WDR26: variants seen among roughly 807,000 people sequenced by gnomAD.
The protein encoded by WDR26 is WD repeat-containing protein 26.
WDR26 carries 5 observed loss-of-function variants against 84.1 expected under a neutral mutation model. That is an observed-to-expected ratio of 0.06 (90% confidence interval 0.03 to 0.13). The LOEUF is 0.13. WDR26 is among the 10% of genes least tolerant of loss of function. The probability of loss-of-function intolerance (pLI) is 1.00; values close to 1 mark genes in which losing one functional copy is unlikely to be tolerated. For synonymous variants in WDR26, 415 were observed against 389.6 expected, an observed-to-expected ratio of 1.07 and a Z score of -0.77; for missense variants, 642 against 974.9, an observed-to-expected ratio of 0.66 and a Z score of 4.55.
intron 7 of WDR26, among the ~76,000 whole-genome samples, chr1:224,407,149 AAAATATAT>A (rs1278800282): frequency 1.1e-4 from 2 of 17,850 alleles, no homozygotes; most frequent in African/African-American, 4.5e-4. Context: ...AAAAAAAAAA[AAAATATAT>A]ATATATATAT....
intron 7 of WDR26, among the ~76,000 whole-genome samples, chr1:224,405,437 T>A (rs530873928): frequency 6.6e-6 from 1 of 152,322 alleles, no homozygotes; most frequent in East Asian, 1.9e-4. Flanking sequence ...GGTATATACA[T>A]AGGAGTGGAA....
chr1:224,432,804 C>T (rs555395624), intron 1 of WDR26, among the ~76,000 whole-genome samples: 2 of 152,204 alleles, frequency 1.3e-5, no homozygotes, highest in Non-Finnish European at 2.9e-5. Context: ...GACTCCGTCT[C>T]TTGCACCTCC....
chr1:224,391,373 A>C (rs1376010318), intron 13 of WDR26, among the ~76,000 whole-genome samples: 1 of 114,456 alleles, frequency 8.7e-6, no homozygotes, highest in African/African-American at 4.2e-5. Flanking sequence ...CAAAAAAAAA[A>C]AAAAAAAAAA....
In WDR26 at chr1:224,391,227, G is replaced by A. The variant is rs1264843891; in HGVS notation, c.2261-1367C>T. On this transcript the variant is annotated intron_variant, in intron 13 of 13. Coordinates refer to ENST00000414423, the MANE Select transcript of WDR26 (RefSeq NM_001379403.1). ...ACTAAAAATACAAAATTAGCCGGGC[G>A]TGGTGATGCATGCCTGTAATCCCAG... Among the ~76,000 whole-genome samples, 5 of 151,708 alleles carry A rather than the reference G, an allele frequency of 3.3e-5. No individual in the cohort carries two copies. In the South Asian group the frequency reaches 6.3e-4, roughly 19 times the overall value.
rs764827586 is a variant in WDR26, at chr1:224,398,603, G to A, written c.1866-10C>T. ...ATGATCTTCTTGTACTCTGGAACCAGAAAATAATTTGTCAAAAACAACATA... is the reference window on the plus strand; with the variant it reads ...ATGATCTTCTTGTACTCTGGAACCAAAAAATAATTTGTCAAAAACAACATA... On this transcript the variant is annotated splice_polypyrimidine_tract_variant and intron_variant, in intron 10 of 13. Transcript: ENST00000414423. The A allele has an allele frequency of 1.1e-5, 17 of 1,585,606 alleles. No individual in the cohort carries two copies. The highest frequency in any genetic ancestry group is 1.7e-6 in the Non-Finnish European group (2 of 1,168,392).
At position 224,434,594 on chromosome 1, in the gene WDR26, C is replaced by A; in HGVS notation, c.-189G>T. 1 of 501,694 alleles carries A rather than the reference C, an allele frequency of 2.0e-6. No individual in the cohort carries two copies. Among genetic ancestry groups the A allele is most frequent in the Non-Finnish European group, 2.5e-6 (1 of 392,436 alleles). The allele number at this position is 501,694 out of a possible 1,614,324, so 31.1% of individuals were successfully genotyped here. ...TTTCCCCCCCCCCTCCCGGAGGCAG[C>A]TCGGGGTGCGCGGCCCGGGGGTCGC... On this transcript the variant is annotated 5_prime_UTR_variant, in exon 1 of 14. Transcript: ENST00000414423.
At chr1:224,395,040 A>C (rs1263636728) in intron 12 of WDR26, among the ~76,000 whole-genome samples, 1 of 152,186 alleles carries the variant, frequency 6.6e-6, no homozygotes, top group Non-Finnish European at 1.5e-5. Flanking sequence ...ATCTTCAAAA[A>C]ACTAGCCACA....
Position 224,389,605 on chromosome 1 carries a change from G to C in WDR26, c.*230C>G. The stretch of plus-strand genomic sequence containing the variant: ...GCACAGTTCTTCACAACCGATGGGG[G>C]AATAATTCAACATGGTGTCCAACAA... On this transcript the variant is annotated 3_prime_UTR_variant, in exon 14 of 14. Coordinates refer to ENST00000414423, the MANE Select transcript of WDR26 (RefSeq NM_001379403.1). 3.4e-6 allele frequency: 2 copies of C among 593,704 alleles called. No individual in the cohort carries two copies. Among genetic ancestry groups the C allele is most frequent in the Non-Finnish European group, 5.9e-6 (2 of 340,608 alleles). 36.8% of individuals were successfully genotyped at this position (593,704 alleles called of 1,614,324 possible).
At position 224,418,369 on chromosome 1, in the gene WDR26, G is replaced by T; in HGVS notation, c.1210C>A (p.Leu404Ile). 1 of 1,613,690 alleles carries T rather than the reference G, an allele frequency of 6.2e-7. No individual in the cohort carries two copies. The highest frequency in any genetic ancestry group is 8.5e-7 in the Non-Finnish European group (1 of 1,179,762). Residue 404 changes from leucine (L) to isoleucine (I), a missense_variant, in exon 6 of 14, where the codon CTC becomes ATC. Leu to Ile is a conservative substitution (Grantham distance 5). Transcript: ENST00000414423. ...TGTAGTTCCACCGCCTGCCGCAGGA[G>T]AGTCTGTAAACGCCGTGGGGGAAGC...
intron 6 of WDR26, 91 bp from the exon 7 acceptor site, chr1:224,411,656 A>G: frequency 1.5e-6 from 2 of 1,355,198 alleles, no homozygotes; most frequent in Non-Finnish European, 2.0e-6. Context: ...ACTTCTTTGA[A>G]GATCACATCA....
chr1:224,421,629 C>T (rs749198026), intron 4 of WDR26, among the ~76,000 whole-genome samples: 3 of 152,206 alleles, frequency 2.0e-5, no homozygotes, highest in Non-Finnish European at 4.4e-5. Context: ...TGTCAGCTAC[C>T]ATATCAAAAC....
intron 11 of WDR26, 68 bp from the exon 12 acceptor site, chr1:224,398,294 A>G (rs765920862): frequency 1.3e-6 from 2 of 1,556,124 alleles, no homozygotes; most frequent in Non-Finnish European, 1.7e-6. Context: ...AAGTATCTGT[A>G]AATATCCCTT....
intron 7 of WDR26, among the ~76,000 whole-genome samples, chr1:224,410,378 C>T (rs964117483): frequency 4.0e-5 from 6 of 151,760 alleles, no homozygotes; most frequent in East Asian, 1.9e-4. Flanking sequence ...TTAACCTATC[C>T]GGAGTCATGT....
chr1:224,419,387 CT>C, intron 5 of WDR26, 130 bp downstream of exon 5: 2 of 714,442 alleles, frequency 2.8e-6, no homozygotes, highest in Non-Finnish European at 4.7e-6. Context: ...GTCTGAAAAA[CT>C]GGATTCTCCC....
At chr1:224,429,782 T>C (rs1054512932) in intron 3 of WDR26, 1 of 152,230 alleles carries the variant, frequency 6.6e-6, no homozygotes, top group African/African-American at 2.4e-5. Context: ...ACTACCTTTC[T>C]TCAGTTTACA....
chr1:224,419,951 T>G (rs985346017), intron 4 of WDR26, among the ~76,000 whole-genome samples: 3 of 152,220 alleles, frequency 2.0e-5, no homozygotes, highest in African/African-American at 7.2e-5. Flanking sequence ...TATTATTCTA[T>G]TTTTATAAAT....
At position 224,434,160 on chromosome 1, in the gene WDR26, G is replaced by A. The variant is rs1674522916; in HGVS notation, c.246C>T (p.Ala82=). 2.1e-6 allele frequency: 3 copies of A among 1,422,060 alleles called. No individual in the cohort carries two copies. Among genetic ancestry groups the A allele is most frequent in the Admixed American group, 2.9e-5 (1 of 34,414 alleles). 88.1% of individuals were successfully genotyped at this position (1,422,060 alleles called of 1,614,324 possible). A position where few individuals can be genotyped will look rare whatever the true frequency, so the allele number is the denominator to read the frequency against. Residue 82 remains alanine (A), a synonymous_variant, in exon 1 of 14, where the codon GCC becomes GCT. Coordinates refer to ENST00000414423, the MANE Select transcript of WDR26 (RefSeq NM_001379403.1). ...TACTTCGGTGGGGGACAGCAGCGGC[G>A]GCGGGAGGGGCAGCAGCCGGGGGAA...
At position 224,388,441 on chromosome 1, in the gene WDR26, T is replaced by C. The variant is rs1007042264; in HGVS notation, c.*1394A>G. 4.6e-5 allele frequency: 7 copies of C among 152,228 alleles called. No homozygotes were observed. Among genetic ancestry groups the C allele is most frequent in the Non-Finnish European group, 1.5e-5 (1 of 68,034 alleles). The allele number at this position is 152,228 out of a possible 1,614,324, so 9.4% of individuals were successfully genotyped here. ...GCTGTTACGGAGTTTAAAAGCACAA[T>C]GTGAACATCAGGCTTTTGGCTTATT... On this transcript the variant is annotated 3_prime_UTR_variant, in exon 14 of 14. Transcript: ENST00000414423.
intron 3 of WDR26, 147 bp downstream of exon 3, chr1:224,431,330 A>C (rs1674385104): frequency 1.1e-5 from 7 of 643,084 alleles, no homozygotes; most frequent in Non-Finnish European, 1.9e-5. Context: ...CTCATACTTT[A>C]AAACATTATA....
Sources: allele counts gnomAD v4.1 joint callset (sites outside exome capture counted in the v4.1 genomes callset), GRCh38; gene constraint gnomAD v4.1.1; transcripts MANE v1.5; gene names NCBI Gene and HGNC (gene_info 2026-07-23, HGNC 2026-07-21).